DHDH: variants seen among roughly 807,000 people sequenced by gnomAD.
The protein encoded by DHDH is dihydrodiol dehydrogenase.
In DHDH, 29 loss-of-function variants were observed where a neutral mutation model predicts 33.2. That is an observed-to-expected ratio of 0.87 (90% confidence interval 0.65 to 1.19). The LOEUF is 1.19. DHDH is among the 50% of genes most tolerant of loss of function. The pLI, the probability that DHDH is intolerant of heterozygous loss-of-function variation, is 0.00. For missense variants in DHDH, 431 were observed against 455.0 expected, an observed-to-expected ratio of 0.95 and a Z score of 0.48; for synonymous variants, 201 against 187.9, an observed-to-expected ratio of 1.07 and a Z score of -0.57.
Position 48,933,816 on chromosome 19 carries a change from G to C in DHDH, c.90+5G>C. ...CTGCCTCGCTCTGAGCACCAGGTCTGCCCGCCCTCCGGATTCTGGGGAAGA... is the reference window on the plus strand; with the variant it reads ...CTGCCTCGCTCTGAGCACCAGGTCTCCCCGCCCTCCGGATTCTGGGGAAGA... On this transcript the variant is annotated splice_donor_5th_base_variant and intron_variant, in intron 1 of 6. Transcript: ENST00000221403. 1 of 1,607,854 alleles carries C rather than the reference G, an allele frequency of 6.2e-7. No individual in the cohort carries two copies. The highest frequency in any genetic ancestry group is 8.5e-7 in the Non-Finnish European group (1 of 1,179,812).
chr19:48,943,066 AT>A (rs1180292789), intron 5 of DHDH, among the ~76,000 whole-genome samples: 1,618 of 81,562 alleles, frequency 0.02, 38 homozygotes, highest in African/African-American at 0.061. Context: ...AAAAAAAAAA[AT>A]ATATATATAT....
At chr19:48,937,811 T>TAAA (rs539240060) in intron 3 of DHDH, among the ~76,000 whole-genome samples, 4 of 127,252 alleles carry the variant, frequency 3.1e-5, no homozygotes, top group African/African-American at 8.3e-5. Context: ...AGACTGTCTT[T>TAAA]AAAAAAAAAA....
chr19:48,933,530 G>T (rs532086864), upstream of DHDH, among the ~76,000 whole-genome samples: 3 of 152,342 alleles, frequency 2.0e-5, no homozygotes, highest in African/African-American at 7.2e-5. Flanking sequence ...TCTGTAAGGC[G>T]GAGCTAAACG....
rs11669022 is a variant in DHDH, at chr19:48,942,422, C to T, written c.620-18C>T. ...TCTGCCCTGAGAGACCCTGCCCTGA[C>T]CCAGGACTTCCCTCCAGGTGTGGAT... On this transcript the variant is annotated intron_variant, in intron 4 of 6. Coordinates refer to ENST00000221403, the MANE Select transcript of DHDH (RefSeq NM_014475.4). 0.18 allele frequency: 280,038 copies of T among 1,591,676 alleles called. 29,772 individuals carry two copies. Among genetic ancestry groups the T allele is most frequent in the East Asian group, 0.5 (22,367 of 44,374 alleles).
intron 4 of DHDH, among the ~76,000 whole-genome samples, chr19:48,941,014 T>G (rs2037851516): frequency 6.6e-6 from 1 of 151,148 alleles, no homozygotes; most frequent in Non-Finnish European, 1.5e-5. Flanking sequence ...AAAAAAAACT[T>G]AGTGACTTCA....
At position 48,944,854 on chromosome 19, in the gene DHDH, C is replaced by T. The variant is rs768908579; in HGVS notation, c.926C>T (p.Ser309Leu). Reference protein sequence around the residue: ...GMKESPVIPLSESELLADILE... With the variant: ...GMKESPVIPLLESELLADILE... ...AAGGAAAGTCCTGTGATTCCCCTGT[C>T]GGAAAGTGAGCTCCTGGCTGACATC... Residue 309 changes from serine (S) to leucine (L), a missense_variant, in exon 7 of 7, where the codon TCG becomes TTG. Ser to Leu is a moderately radical substitution (Grantham distance 145). Transcript: ENST00000221403. 1.7e-5 allele frequency: 28 copies of T among 1,613,854 alleles called. No homozygotes were observed. Among genetic ancestry groups the T allele is most frequent in the South Asian group, 2.2e-5 (2 of 91,052 alleles).
chr19:48,935,941 T>C, intron 2 of DHDH, 91 bp from the exon 3 acceptor site: 11 of 1,508,266 alleles, frequency 7.3e-6, no homozygotes, highest in Non-Finnish European at 8.9e-6. Context: ...ACCTGGTCCC[T>C]GGGTGCTAGG....
chr19:48,943,790 C>G (rs2037899846), intron 5 of DHDH, among the ~76,000 whole-genome samples: 1 of 149,684 alleles, frequency 6.7e-6, no homozygotes, highest in African/African-American at 2.5e-5. Flanking sequence ...CGAGCCATTG[C>G]ACTCCAGGCT....
rs151221308 is a variant in DHDH, at chr19:48,938,286, G to A, written c.367-1163G>A. On this transcript the variant is annotated intron_variant, in intron 3 of 6. Transcript: ENST00000221403. ...TAATTTTTGTATTTGTAGTAGAGAC[G>A]GGGTTTTGCTATGTTGTCCAGGCTG... Among the ~76,000 whole-genome samples, 622 of 152,100 alleles carry A rather than the reference G, an allele frequency of 4.1e-3. 4 individuals carry two copies. Among genetic ancestry groups the A allele is most frequent in the African/African-American group, 0.014 (597 of 41,518 alleles).
chr19:48,937,825 A>AG, intron 3 of DHDH, among the ~76,000 whole-genome samples: 1 of 151,174 alleles, frequency 6.6e-6, no homozygotes, highest in East Asian at 2.0e-4. Context: ...AAAAAAAAAA[A>AG]AAAAAAAAGA....
intron 3 of DHDH, among the ~76,000 whole-genome samples, chr19:48,939,242 C>T (rs527535238): frequency 6.6e-6 from 1 of 151,692 alleles, no homozygotes; most frequent in African/African-American, 2.4e-5. Context: ...GAGTTCGAGA[C>T]CAGCCTGGGC....
Position 48,944,356 on chromosome 19 carries a change from G to GCTC in DHDH, c.748_750dup (p.Leu250dup), listed in dbSNP as rs1467334199. ...CAGTGCCACTTCTTCTCTCCCTCCAGCTCCTCAACCCCTGCTGGTGCCCGA... is the reference window on the plus strand; with the variant it reads ...CAGTGCCACTTCTTCTCTCCCTCCAGCTCCTCCTCAACCCCTGCTGGTGCCCGA... On this transcript the variant is annotated inframe_insertion and splice_region_variant. Transcript: ENST00000221403. 3 of 1,613,780 alleles carry GCTC rather than the reference G, an allele frequency of 1.9e-6. No individual in the cohort carries two copies. The East Asian group carries it at 6.7e-5, about 36-fold the overall frequency.
At chr19:48,941,985 C>T (rs1307015636) in intron 4 of DHDH, among the ~76,000 whole-genome samples, 4 of 132,148 alleles carry the variant, frequency 3.0e-5, no homozygotes, top group Non-Finnish European at 3.2e-5. Flanking sequence ...GACTGTACTT[C>T]GTGTGTGTGT....
chr19:48,933,305 A>G (rs73573682), upstream of DHDH, among the ~76,000 whole-genome samples: 1,267 of 152,272 alleles, frequency 8.3e-3, 20 homozygotes, highest in African/African-American at 0.029. Context: ...TCTCTCTGTG[A>G]ACAACCCCTA....
At chr19:48,944,760 A>G (rs941749976) in intron 6 of DHDH, 64 bp from the exon 7 acceptor site, 11 of 1,425,392 alleles carry the variant, frequency 7.7e-6, no homozygotes, top group Non-Finnish European at 9.9e-6. Flanking sequence ...AATTCTGGGA[A>G]TTGTAGTTCT....
intron 3 of DHDH, among the ~76,000 whole-genome samples, chr19:48,937,540 C>T (rs995020983): frequency 1.3e-5 from 2 of 151,862 alleles, no homozygotes; most frequent in South Asian, 2.1e-4. Flanking sequence ...TGGCCGGGCG[C>T]GGTGGCTCAC....
At chr19:48,938,899 C>T (rs961467597) in intron 3 of DHDH, among the ~76,000 whole-genome samples, 7 of 152,156 alleles carry the variant, frequency 4.6e-5, no homozygotes, top group South Asian at 2.1e-4. Context: ...CTCCTGACCT[C>T]GTGATCTGCC....
chr19:48,938,790 C>G (rs1480898601), intron 3 of DHDH, among the ~76,000 whole-genome samples: 1 of 152,070 alleles, frequency 6.6e-6, no homozygotes, highest in East Asian at 1.9e-4. Context: ...GGACTACAGG[C>G]GTGCGCCATC....
intron 4 of DHDH, among the ~76,000 whole-genome samples, chr19:48,940,501 T>C (rs1056558765): frequency 6.6e-6 from 1 of 151,346 alleles, no homozygotes; most frequent in African/African-American, 2.4e-5. Flanking sequence ...AGGCAGTTCA[T>C]GCTTCATTAA....
Sources: allele counts gnomAD v4.1 joint callset (sites outside exome capture counted in the v4.1 genomes callset), GRCh38; gene constraint gnomAD v4.1.1; transcripts MANE v1.5; gene names NCBI Gene and HGNC (gene_info 2026-07-23, HGNC 2026-07-21).